Variants in ULK4 observed in about 807,000 individuals in gnomAD.
The protein encoded by ULK4 is unc-51 like kinase 4.
ULK4 carries 133 observed loss-of-function variants against 160.6 expected under a neutral mutation model. That is an observed-to-expected ratio of 0.83 (90% CI 0.72 to 0.96). The LOEUF (loss-of-function observed/expected upper bound fraction) is 0.96, where lower values mean the gene tolerates loss of function less well. Among genes scored for constraint, ULK4 ranks in the 40% least tolerant of loss-of-function variants. ULK4 has a pLI of 0.00. For synonymous variants in ULK4, 534 were observed against 539.8 expected, an observed-to-expected ratio of 0.99 and a Z score of 0.15; for missense variants, 1,580 against 1,499.5, an observed-to-expected ratio of 1.05 and a Z score of -0.89.
At chr3:41,857,499 A>C (rs2042388643) in intron 17 of ULK4, among the ~76,000 whole-genome samples, 1 of 151,972 alleles carries the variant, frequency 6.6e-6, no homozygotes, top group Non-Finnish European at 1.5e-5. Context: ...TATTTTATTT[A>C]TGTATTTATT....
chr3:41,754,252 C>T, intron 22 of ULK4, 109 bp downstream of exon 22: 2 of 1,286,992 alleles, frequency 1.6e-6, no homozygotes, highest in Non-Finnish European at 2.1e-6. Flanking sequence ...CCTGGAAAAA[C>T]TCTTAAAAAA....
chr3:41,840,239 G>C (rs1052150093), intron 17 of ULK4, among the ~76,000 whole-genome samples: 1 of 152,134 alleles, frequency 6.6e-6, no homozygotes, highest in African/African-American at 2.4e-5. Context: ...GACCAACCTG[G>C]ACAACAAAGC....
chr3:41,517,589 G>C (rs2085792127), intron 32 of ULK4, among the ~76,000 whole-genome samples: 1 of 152,138 alleles, frequency 6.6e-6, no homozygotes, highest in Non-Finnish European at 1.5e-5. Flanking sequence ...CTGTCTTTCG[G>C]CTATTTTGTT....
intron 22 of ULK4, among the ~76,000 whole-genome samples, chr3:41,742,911 T>A (rs1435220449): frequency 6.6e-6 from 1 of 151,360 alleles, no homozygotes; most frequent in Non-Finnish European, 1.5e-5. Context: ...ATTAAACTTA[T>A]GAAATCTGAA....
chr3:41,699,931 T>C (rs1022778176), intron 27 of ULK4, among the ~76,000 whole-genome samples: 1 of 152,230 alleles, frequency 6.6e-6, no homozygotes, highest in South Asian at 2.1e-4. Context: ...TTAATTTCTA[T>C]TTGAATGCAA....
intron 30 of ULK4, among the ~76,000 whole-genome samples, chr3:41,655,388 G>A (rs558812811): frequency 1.9e-5 from 2 of 105,530 alleles, no homozygotes; most frequent in East Asian, 3.6e-4. Context: ...GGGGTGGGGG[G>A]AGGGGGGAGG....
intron 35 of ULK4, among the ~76,000 whole-genome samples, chr3:41,296,188 G>A (rs1472119705): frequency 2.0e-5 from 3 of 152,180 alleles, no homozygotes; most frequent in East Asian, 3.8e-4. Flanking sequence ...TGATAGTGCG[G>A]GATGCAGTGC....
At chr3:41,522,228 G>A (rs760124019) in intron 32 of ULK4, among the ~76,000 whole-genome samples, 2 of 150,216 alleles carry the variant, frequency 1.3e-5, no homozygotes, top group Non-Finnish European at 3.0e-5. Context: ...CTGGGTTCAA[G>A]TAATTCTCTT....
chr3:41,833,266 CTTAAG>C (rs891988056), intron 18 of ULK4, among the ~76,000 whole-genome samples: 10 of 145,920 alleles, frequency 6.9e-5, no homozygotes, highest in Non-Finnish European at 1.3e-4. Context: ...TAGCTGTATT[CTTAAG>C]TTGTTTTTTT....
chr3:41,797,262 T>G (rs938158020), intron 20 of ULK4, among the ~76,000 whole-genome samples: 2 of 152,086 alleles, frequency 1.3e-5, no homozygotes, highest in African/African-American at 4.8e-5. Context: ...CAACAGAGAC[T>G]GTATATGAGC....
intron 31 of ULK4, among the ~76,000 whole-genome samples, chr3:41,581,281 C>T (rs1037875698): frequency 3.9e-5 from 6 of 152,026 alleles, no homozygotes; most frequent in African/African-American, 4.8e-5. Context: ...GCAGAGAGTA[C>T]GTTTACCTTC....
intron 17 of ULK4, chr3:41,869,195 C>A (rs776443663): frequency 6.6e-6 from 1 of 151,874 alleles, no homozygotes; most frequent in South Asian, 2.1e-4. Flanking sequence ...TAATAGCATG[C>A]ATAAATTATC....
At chr3:41,733,725 ATTTTTTTTTTTTTT>A (rs778572755) in intron 22 of ULK4, among the ~76,000 whole-genome samples, 2 of 93,616 alleles carry the variant, frequency 2.1e-5, no homozygotes, top group African/African-American at 6.3e-5. Context: ...TAAACACATG[ATTTTTTTTTTTTTT>A]TTTTTTTTTT....
chr3:41,831,531 A>ATATATATATATATTTTTATTTTTTTTTTT, intron 18 of ULK4, among the ~76,000 whole-genome samples: 1 of 138,066 alleles, frequency 7.2e-6, no homozygotes, highest in African/African-American at 2.8e-5. Context: ...ATATATATAT[A>ATATATATATATATTTTTATTTTTTTTTTT]TTTTTTTTTC....
At chr3:41,741,313 T>C (rs1256183037) in intron 22 of ULK4, among the ~76,000 whole-genome samples, 4 of 151,910 alleles carry the variant, frequency 2.6e-5, no homozygotes, top group Non-Finnish European at 5.9e-5. Flanking sequence ...TACATGCAAA[T>C]AGAAGTTTTG....
At chr3:41,280,113 C>A (rs1360387283) in intron 35 of ULK4, among the ~76,000 whole-genome samples, 1 of 152,174 alleles carries the variant, frequency 6.6e-6, no homozygotes. Flanking sequence ...AGCTAACTAT[C>A]CTAAATATAT....
In ULK4 at chr3:41,375,728, T is replaced by G. The variant is rs145607074; in HGVS notation, c.3678+22351A>C. The stretch of plus-strand genomic sequence containing the variant: ...TCAGGACACAGGCATGGGCAAAGAC[T>G]TCATGACTAAAATATGAAAAGCAAT... On this transcript the variant is annotated intron_variant, in intron 35 of 36. Transcript: ENST00000301831. Among the ~76,000 whole-genome samples, 1,347 of 150,432 alleles carry G rather than the reference T, an allele frequency of 9.0e-3. 114 individuals carry two copies. The highest frequency in any genetic ancestry group is 0.032 in the African/African-American group (1,278 of 40,394).
At chr3:41,358,634 G>A (rs114445092) in intron 35 of ULK4, among the ~76,000 whole-genome samples, 205 of 152,312 alleles carry the variant, frequency 1.3e-3, no homozygotes, top group African/African-American at 4.5e-3. Flanking sequence ...TATACTTGGT[G>A]TGCCTCAAAA....
chr3:41,371,204 G>A lies in ULK4; in HGVS notation c.3678+26875C>T, dbSNP rs547609760. On this transcript the variant is annotated intron_variant, in intron 35 of 36. Coordinates refer to ENST00000301831, the MANE Select transcript of ULK4 (RefSeq NM_017886.4). Reference sequence around the variant, plus strand: ...GGACAGAGCAACTCGGGGAAGGGGCGGCTGTGGGCACAGCTTCAGCAGACT... The same window carrying A: ...GGACAGAGCAACTCGGGGAAGGGGCAGCTGTGGGCACAGCTTCAGCAGACT... 3.9e-5 allele frequency among the ~76,000 whole-genome samples: 6 copies of A among 152,284 alleles called. No individual in the cohort carries two copies. In the South Asian group the frequency reaches 6.2e-4, roughly 16 times the overall value.
Sources: gnomAD v4.1 joint callset for allele counts (sites outside exome capture counted in the v4.1 genomes callset) on GRCh38, gnomAD v4.1.1 for gene constraint, MANE v1.5 for transcripts, NCBI Gene and HGNC (gene_info 2026-07-23, HGNC 2026-07-21) for gene names.